The following POU6F2 variants were observed in gnomAD, a reference collection of about 807,000 sequenced individuals.
POU6F2 encodes the protein POU domain, class 6, transcription factor 2.
In POU6F2, 31 loss-of-function variants were observed where a neutral mutation model predicts 71.3. The ratio of observed to expected loss-of-function variants is 0.43; its 90% CI spans 0.33 to 0.59. The LOEUF (loss-of-function observed/expected upper bound fraction) is 0.59, where lower values mean the gene tolerates loss of function less well. POU6F2 is among the 20% of genes least tolerant of loss of function. POU6F2 has a pLI of 0.04. For synonymous variants in POU6F2, 347 were observed against 355.7 expected (o/e 0.98, Z 0.27); for missense variants, 783 against 856.8 (o/e 0.91, Z 1.07).
intron 1 of POU6F2, among the ~76,000 whole-genome samples, chr7:39,007,354 G>A (rs1192785997): frequency 6.6e-6 from 1 of 152,038 alleles, no homozygotes; most frequent in Non-Finnish European, 1.5e-5. Context: ...GGGGAAGTTG[G>A]GTCAGTAATA....
chr7:39,061,510 A>T (rs1490883756), intron 1 of POU6F2, among the ~76,000 whole-genome samples: 1 of 152,240 alleles, frequency 6.6e-6, no homozygotes, highest in Non-Finnish European at 1.5e-5. Flanking sequence ...TTACCAATTC[A>T]TAATTTTGCA....
At chr7:39,086,674 G>A (rs1230180902) in intron 2 of POU6F2, among the ~76,000 whole-genome samples, 4 of 152,086 alleles carry the variant, frequency 2.6e-5, no homozygotes, top group Non-Finnish European at 1.5e-5. Context: ...AAAAGTAGAG[G>A]CAGCCCAAGA....
chr7:39,437,513 T>A (rs568510014), intron 7 of POU6F2, among the ~76,000 whole-genome samples: 1 of 152,312 alleles, frequency 6.6e-6, no homozygotes, highest in South Asian at 2.1e-4. Context: ...CTTCTCTTTT[T>A]TCTTCTTTAT....
chr7:39,110,343 A>T (rs1250709743), intron 2 of POU6F2, among the ~76,000 whole-genome samples: 1 of 151,784 alleles, frequency 6.6e-6, no homozygotes, highest in Non-Finnish European at 1.5e-5. Flanking sequence ...CAAAGCTAAA[A>T]ATATGAAAAC....
intron 2 of POU6F2, among the ~76,000 whole-genome samples, chr7:39,192,200 G>T (rs984663187): frequency 2.4e-4 from 36 of 152,174 alleles, no homozygotes; most frequent in African/African-American, 8.4e-4. Context: ...CTGGGGGTAG[G>T]TATTTCCTTC....
At chr7:39,251,392 A>G (rs556453104) in intron 4 of POU6F2, among the ~76,000 whole-genome samples, 1 of 152,176 alleles carries the variant, frequency 6.6e-6, no homozygotes, top group South Asian at 2.1e-4. Context: ...GGCCAAAGAG[A>G]ATGAACAAAA....
intron 4 of POU6F2, among the ~76,000 whole-genome samples, chr7:39,213,441 T>C (rs1360717939): frequency 6.6e-6 from 1 of 152,230 alleles, no homozygotes; most frequent in Non-Finnish European, 1.5e-5. Context: ...AGAAAATGCA[T>C]GGACCTTACT....
chr7:39,288,742 A>G (rs759179696), intron 4 of POU6F2, among the ~76,000 whole-genome samples: 3 of 152,188 alleles, frequency 2.0e-5, no homozygotes, highest in Non-Finnish European at 2.9e-5. Flanking sequence ...ATTGAATCAG[A>G]GTGTCTGGCA....
intron 1 of POU6F2, among the ~76,000 whole-genome samples, chr7:39,039,636 A>G (rs767320074): frequency 2.0e-5 from 3 of 151,916 alleles, no homozygotes; most frequent in Non-Finnish European, 4.4e-5. Flanking sequence ...GAATGGAGGT[A>G]TGTTGGATTA....
At position 39,339,964 on chromosome 7, in the gene POU6F2, G is replaced by T. The variant is rs1785877427; in HGVS notation, c.921G>T (p.Gln307His). ...QSSSPPQKPS[Q>H]SPGHGLPSPL... ...CCAGCCCCCCGCAGAAACCTAGTCA[G>T]TCTCCAGGACATGGCCTGCCTTCAC... Residue 307 changes from glutamine to histidine, a missense_variant, in exon 5 of 10, where the codon CAG becomes CAT. By Grantham distance (24) the Gln-to-His change is conservative. Coordinates refer to ENST00000518318, the MANE Select transcript of POU6F2 (RefSeq NM_001370959.1). 1.2e-6 allele frequency: 2 copies of T among 1,613,854 alleles called. No homozygotes were observed. Among genetic ancestry groups the T allele is most frequent in the Non-Finnish European group, 1.7e-6 (2 of 1,179,812 alleles).
At chr7:39,360,049 A>G (rs932722523) in intron 5 of POU6F2, among the ~76,000 whole-genome samples, 4 of 152,240 alleles carry the variant, frequency 2.6e-5, no homozygotes, top group African/African-American at 7.2e-5. Flanking sequence ...GATAATAAAT[A>G]TTTATCAGAT....
chr7:39,412,083 A>G (rs1787561362), intron 6 of POU6F2, among the ~76,000 whole-genome samples: 1 of 152,230 alleles, frequency 6.6e-6, no homozygotes. Flanking sequence ...AAACACTGTC[A>G]CTTCTTAGTT....
At chr7:38,992,500 G>A (rs996514353) in intron 1 of POU6F2, among the ~76,000 whole-genome samples, 3 of 152,154 alleles carry the variant, frequency 2.0e-5, no homozygotes, top group Non-Finnish European at 2.9e-5. Context: ...GAGGGGACAC[G>A]AGGTTCTTTG....
chr7:39,087,987 G>C (rs35304721), intron 2 of POU6F2, among the ~76,000 whole-genome samples: 6,008 of 152,222 alleles, frequency 0.039, 167 homozygotes, highest in Middle Eastern at 0.078. Flanking sequence ...AGGATTTGTA[G>C]TTTAATGTTA....
intron 4 of POU6F2, among the ~76,000 whole-genome samples, chr7:39,235,991 C>T (rs538663886): frequency 3.3e-5 from 5 of 152,282 alleles, no homozygotes; most frequent in South Asian, 2.1e-4. Flanking sequence ...TGAACAGGTG[C>T]GTCTGCATTT....
intron 1 of POU6F2, among the ~76,000 whole-genome samples, chr7:39,029,418 G>A (rs1789888703): frequency 6.6e-6 from 1 of 151,848 alleles, no homozygotes; most frequent in African/African-American, 2.4e-5. Flanking sequence ...GTGATAGTGA[G>A]GTTAAGCATA....
At chr7:39,017,576 G>A (rs1236885575) in intron 1 of POU6F2, among the ~76,000 whole-genome samples, 6 of 152,080 alleles carry the variant, frequency 3.9e-5, no homozygotes, top group Admixed American at 2.0e-4. Context: ...GAGTCACTCC[G>A]TAGAGCTGCT....
intron 2 of POU6F2, among the ~76,000 whole-genome samples, chr7:39,119,470 G>A (rs961398367): frequency 6.6e-6 from 1 of 152,148 alleles, no homozygotes; most frequent in Admixed American, 6.5e-5. Context: ...TTTGCTTTGG[G>A]AGAGAGTCAA....
chr7:39,145,202 G>C (rs1016708694), intron 2 of POU6F2, among the ~76,000 whole-genome samples: 1 of 152,152 alleles, frequency 6.6e-6, no homozygotes, highest in East Asian at 1.9e-4. Context: ...TCAAAACAAA[G>C]AGTTTATTTC....
Sources: allele counts gnomAD v4.1 joint callset (sites outside exome capture counted in the v4.1 genomes callset), GRCh38; gene constraint gnomAD v4.1.1; transcripts MANE v1.5; gene names NCBI Gene and HGNC (gene_info 2026-07-23, HGNC 2026-07-21).